The following NRXN3 variants were observed in gnomAD, a reference collection of about 807,000 sequenced individuals.
NRXN3 encodes the protein neurexin III.
In NRXN3, 32 loss-of-function variants were observed where a neutral mutation model predicts 137.6. The ratio of observed to expected loss-of-function variants is 0.23; its 90% CI spans 0.18 to 0.31. The LOEUF is 0.31. Among genes scored for constraint, NRXN3 ranks in the 10% least tolerant of loss-of-function variants. NRXN3 has a pLI of 1.00. For synonymous variants in NRXN3, 798 were observed against 784.5 expected, an observed-to-expected ratio of 1.02 and a Z score of -0.29; for missense variants, 1,574 against 2,062.5, an observed-to-expected ratio of 0.76 and a Z score of 4.59.
At chr14:79,558,788 C>T (rs754846445) in intron 16 of NRXN3, among the ~76,000 whole-genome samples, 44 of 152,128 alleles carry the variant, frequency 2.9e-4, no homozygotes, top group Non-Finnish European at 7.4e-5. Flanking sequence ...CAGCCCAAGA[C>T]TACACCTTCG....
chr14:79,427,582 G>T (rs538709753), intron 15 of NRXN3, among the ~76,000 whole-genome samples: 2 of 152,252 alleles, frequency 1.3e-5, no homozygotes, highest in African/African-American at 4.8e-5. Flanking sequence ...GGAGGCCAAG[G>T]TGGGTGACTC....
At chr14:79,618,862 T>C (rs368665738) in intron 16 of NRXN3, among the ~76,000 whole-genome samples, 2 of 152,006 alleles carry the variant, frequency 1.3e-5, no homozygotes, top group East Asian at 3.9e-4. Flanking sequence ...ACATCTGTTT[T>C]TTTGTTTGTT....
intron 15 of NRXN3, among the ~76,000 whole-genome samples, chr14:79,299,565 G>T (rs1267222421): frequency 1.3e-5 from 2 of 152,038 alleles, no homozygotes; most frequent in African/African-American, 2.4e-5. Context: ...CCAGATTTCA[G>T]CTTCCTGTTA....
intron 4 of NRXN3, among the ~76,000 whole-genome samples, chr14:78,377,987 T>C (rs780947189): frequency 6.6e-6 from 1 of 152,150 alleles, no homozygotes; most frequent in Non-Finnish European, 1.5e-5. Flanking sequence ...CAGGTGTCCA[T>C]AGAACATATA....
chr14:78,931,087 A>G (rs555516752), intron 10 of NRXN3, among the ~76,000 whole-genome samples: 1 of 152,338 alleles, frequency 6.6e-6, no homozygotes, highest in Admixed American at 6.5e-5. Flanking sequence ...GTCAGGAACC[A>G]TGTCCCCAGA....
intron 2 of NRXN3, among the ~76,000 whole-genome samples, chr14:78,250,341 C>A (rs558913522): frequency 4.1e-4 from 62 of 152,326 alleles, no homozygotes; most frequent in African/African-American, 1.5e-3. Flanking sequence ...AGTTCTGACT[C>A]TGGGCTATTG....
At chr14:78,222,509 G>T (rs893495113) in intron 1 of NRXN3, among the ~76,000 whole-genome samples, 1 of 152,212 alleles carries the variant, frequency 6.6e-6, no homozygotes, top group East Asian at 1.9e-4. Flanking sequence ...GATGCTTCCC[G>T]GGGAGGAGAT....
chr14:79,781,353 A>G (rs1304495178), intron 19 of NRXN3, among the ~76,000 whole-genome samples: 2 of 152,330 alleles, frequency 1.3e-5, no homozygotes, highest in South Asian at 2.1e-4. Flanking sequence ...GGAAAAGAGT[A>G]ATGTCAAAAT....
At chr14:78,751,439 C>T (rs564858684) in intron 8 of NRXN3, among the ~76,000 whole-genome samples, 2 of 151,408 alleles carry the variant, frequency 1.3e-5, no homozygotes, top group African/African-American at 4.9e-5. Context: ...TTTTTTTTCT[C>T]CCTCCCTGTC....
chr14:78,524,979 G>C (rs1053965770), intron 4 of NRXN3, among the ~76,000 whole-genome samples: 7 of 152,072 alleles, frequency 4.6e-5, no homozygotes, highest in Non-Finnish European at 8.8e-5. Context: ...TAATCCGCTC[G>C]GCATAATCCT....
chr14:79,332,228 C>T (rs2091783904), intron 15 of NRXN3, among the ~76,000 whole-genome samples: 1 of 152,178 alleles, frequency 6.6e-6, no homozygotes, highest in African/African-American at 2.4e-5. Flanking sequence ...TTCGCACCAA[C>T]CTTATACTGC....
At chr14:79,855,170 A>G (rs2141831701) in intron 20 of NRXN3, among the ~76,000 whole-genome samples, 1 of 152,328 alleles carries the variant, frequency 6.6e-6, no homozygotes, top group African/African-American at 2.4e-5. Context: ...TCAGGTGGGT[A>G]CCATCATCGT....
intron 15 of NRXN3, among the ~76,000 whole-genome samples, chr14:79,432,867 G>T (rs1229518918): frequency 2.6e-5 from 4 of 152,172 alleles, no homozygotes; most frequent in Admixed American, 6.5e-5. Flanking sequence ...TGGTGACCGA[G>T]TTCTCAAGCT....
At chr14:79,854,405 C>T (rs2293843) in intron 20 of NRXN3, among the ~76,000 whole-genome samples, 64,647 of 151,916 alleles carry the variant, frequency 0.43, 14,342 homozygotes, top group East Asian at 0.55. Flanking sequence ...ACTTTGGCTA[C>T]GAAGTTGATT....
intron 19 of NRXN3, among the ~76,000 whole-genome samples, chr14:79,804,035 TG>T (rs1047024312): frequency 2.0e-5 from 3 of 150,952 alleles, no homozygotes; most frequent in Non-Finnish European, 4.4e-5. Flanking sequence ...GCATCTGGCT[TG>T]TAGTAATTGC....
At position 78,791,208 on chromosome 14, in the gene NRXN3, T is replaced by G. The variant is rs190042489; in HGVS notation, c.2045-12412T>G. On this transcript the variant is annotated intron_variant, in intron 8 of 20. Coordinates refer to ENST00000335750, the MANE Select transcript of NRXN3 (RefSeq NM_001330195.2). The stretch of plus-strand genomic sequence containing the variant: ...ACTTTGAGCTCTAAGTTTTAGTTAT[T>G]TTCTATCTCTTTGGATGTTCAGATA... Among the ~76,000 whole-genome samples, 566 of 152,330 alleles carry G rather than the reference T, an allele frequency of 3.7e-3. 2 individuals carry two copies. The highest frequency in any genetic ancestry group is 6.5e-3 in the Non-Finnish European group (441 of 68,032).
At chr14:79,296,628 TA>T (rs1364465606) in intron 15 of NRXN3, among the ~76,000 whole-genome samples, 1 of 152,136 alleles carries the variant, frequency 6.6e-6, no homozygotes, top group Non-Finnish European at 1.5e-5. Context: ...ATCAGTAATG[TA>T]AATACTATAT....
chr14:79,688,770 T>C (rs77209553), intron 17 of NRXN3, among the ~76,000 whole-genome samples: 2,943 of 152,254 alleles, frequency 0.019, 50 homozygotes, highest in Non-Finnish European at 0.031. Context: ...CATGTGCTTG[T>C]TGCACACGTC....
intron 4 of NRXN3, among the ~76,000 whole-genome samples, chr14:78,482,915 C>T (rs751943126): frequency 9.9e-5 from 15 of 152,124 alleles, no homozygotes; most frequent in Non-Finnish European, 2.2e-4. Flanking sequence ...TAGATGTCAC[C>T]GTACTCTGCT....
Sources: allele counts gnomAD v4.1 joint callset (sites outside exome capture counted in the v4.1 genomes callset), GRCh38; gene constraint gnomAD v4.1.1; transcripts MANE v1.5; gene names NCBI Gene and HGNC (gene_info 2026-07-23, HGNC 2026-07-21).